LINGO2: variants seen among roughly 807,000 people sequenced by gnomAD.
The protein encoded by LINGO2 is leucine rich repeat and Ig domain containing 2.
LINGO2 carries 14 observed loss-of-function variants against 30.6 expected under a neutral mutation model. The observed-to-expected ratio is 0.46, with a 90% confidence interval of 0.30 to 0.72. The LOEUF (loss-of-function observed/expected upper bound fraction) is 0.72. Among genes scored for constraint, LINGO2 ranks in the 30% least tolerant of loss-of-function variants. The pLI, the probability that LINGO2 is intolerant of heterozygous loss-of-function variation, is 0.07. For synonymous variants in LINGO2, 317 were observed against 288.5 expected, an observed-to-expected ratio of 1.10 and a Z score of -1.00; for missense variants, 729 against 751.7, an observed-to-expected ratio of 0.97 and a Z score of 0.35.
chr9:29,197,034 C>T, the LINGO2 span, among the ~76,000 whole-genome samples: 1 of 152,012 alleles, frequency 6.6e-6, no homozygotes, highest in Admixed American at 6.6e-5. Context: ...TTTAAGTTCA[C>T]TTAAGCTGTT....
the LINGO2 span, among the ~76,000 whole-genome samples, chr9:28,849,628 A>G: frequency 2.0e-5 from 3 of 152,020 alleles, no homozygotes; most frequent in South Asian, 6.2e-4. Context: ...AATAGCATAC[A>G]CTTGTGGCCC....
exon 6 of LINGO2, chr9:27,949,375 T>C (rs774449926): frequency 1.1e-5 from 18 of 1,614,028 alleles, no homozygotes; most frequent in Non-Finnish European, 1.5e-5. Context: ...CCATCTGCAC[T>C]GCATTCTAGC....
At chr9:28,362,481 T>C (rs1308508524) in intron 3 of LINGO2, among the ~76,000 whole-genome samples, 6 of 151,928 alleles carry the variant, frequency 3.9e-5, no homozygotes, top group Non-Finnish European at 8.8e-5. Context: ...TTTTTTTTTC[T>C]TTTTTTGAGA....
At chr9:28,067,153 A>G (rs1343342270) in intron 4 of LINGO2, among the ~76,000 whole-genome samples, 1 of 152,170 alleles carries the variant, frequency 6.6e-6, no homozygotes, top group East Asian at 1.9e-4. Context: ...TACAAGCACA[A>G]AATATTTTCA....
intron 1 of LINGO2, among the ~76,000 whole-genome samples, chr9:28,570,482 T>A (rs528303980): frequency 4.6e-5 from 7 of 151,838 alleles, no homozygotes; most frequent in Non-Finnish European, 1.0e-4. Context: ...GATAAAAAAA[T>A]TTTACTTGGG....
At position 28,626,513 on chromosome 9, in the gene LINGO2, A is replaced by G. The variant is rs74607768; in HGVS notation, c.-365+43687T>C. Among the ~76,000 whole-genome samples the G allele has an allele frequency of 8.2e-3, 1,255 of 152,124 alleles. 28 individuals are homozygous for G. Among genetic ancestry groups the G allele is most frequent in the East Asian group, 0.036 (186 of 5,168 alleles). On this transcript the variant is annotated intron_variant, in intron 1 of 5. Coordinates refer to ENST00000379992, the Ensembl canonical transcript of LINGO2. ...AAGATTTTTCTCTTATATCCACTTT[A>G]ATTTTTGTTAGTAGTACAAATTAAA... is the stretch of plus-strand genomic sequence containing the variant.
chr9:28,196,691 A>G (rs1820025396), intron 4 of LINGO2, among the ~76,000 whole-genome samples: 1 of 151,988 alleles, frequency 6.6e-6, no homozygotes, highest in Non-Finnish European at 1.5e-5. Context: ...TAGAAAACTT[A>G]TGGTATCATA....
At chr9:28,451,367 C>A (rs879935970) in intron 2 of LINGO2, among the ~76,000 whole-genome samples, 2 of 151,666 alleles carry the variant, frequency 1.3e-5, no homozygotes, top group Admixed American at 1.3e-4. Flanking sequence ...TAGTCTAACA[C>A]CAGGAAAATA....
At chr9:28,661,698 C>A (rs1404127002) in intron 1 of LINGO2, among the ~76,000 whole-genome samples, 1 of 151,988 alleles carries the variant, frequency 6.6e-6, no homozygotes, top group Non-Finnish European at 1.5e-5. Flanking sequence ...ACATGGAAAT[C>A]TTCAAAAATG....
the LINGO2 span, among the ~76,000 whole-genome samples, chr9:29,084,591 A>G: frequency 6.6e-6 from 1 of 152,024 alleles, no homozygotes; most frequent in African/African-American, 2.4e-5. Context: ...CCTATGACAT[A>G]TTCCAATGAA....
At chr9:28,453,107 C>T (rs56177560) in intron 2 of LINGO2, among the ~76,000 whole-genome samples, 2,785 of 151,928 alleles carry the variant, frequency 0.018, 90 homozygotes, top group African/African-American at 0.061. Context: ...ATATAATGTA[C>T]CATAAAATTT....
chr9:28,962,867 C>T, the LINGO2 span, among the ~76,000 whole-genome samples: 1 of 151,900 alleles, frequency 6.6e-6, no homozygotes, highest in Admixed American at 6.6e-5. Flanking sequence ...CCCACACATT[C>T]ATTAGGCCAT....
At chr9:28,813,216 A>G in the LINGO2 span, among the ~76,000 whole-genome samples, 69 of 152,210 alleles carry the variant, frequency 4.5e-4, no homozygotes, top group African/African-American at 1.4e-3. Context: ...GCCCCCCCCA[A>G]TTAGCTGCAA....
chr9:28,731,363 A>C, the LINGO2 span, among the ~76,000 whole-genome samples: 1 of 152,144 alleles, frequency 6.6e-6, no homozygotes. Context: ...ACTACTCAGC[A>C]ATAAAATGGA....
At chr9:27,960,572 T>C (rs1295435076) in intron 5 of LINGO2, among the ~76,000 whole-genome samples, 1 of 151,974 alleles carries the variant, frequency 6.6e-6, no homozygotes, top group East Asian at 1.9e-4. Context: ...TTTAAATGAT[T>C]AAAACAGCCA....
chr9:28,017,010 T>A (rs957399129), intron 4 of LINGO2, among the ~76,000 whole-genome samples: 6 of 152,260 alleles, frequency 3.9e-5, no homozygotes, highest in African/African-American at 1.4e-4. Context: ...GTAGGCTTCA[T>A]CCCTAGGATG....
At chr9:28,464,888 CT>C (rs1284398020) in intron 2 of LINGO2, among the ~76,000 whole-genome samples, 24 of 152,182 alleles carry the variant, frequency 1.6e-4, no homozygotes, top group Non-Finnish European at 3.2e-4. Flanking sequence ...GATAGTTCCC[CT>C]GACCAGTTTG....
At chr9:28,768,712 T>G in the LINGO2 span, among the ~76,000 whole-genome samples, 2 of 152,022 alleles carry the variant, frequency 1.3e-5, no homozygotes, top group African/African-American at 4.8e-5. Context: ...TGTTTAATTT[T>G]TAAACATGTC....
chr9:27,984,849 G>C (rs1048741865), intron 5 of LINGO2, among the ~76,000 whole-genome samples: 1 of 151,788 alleles, frequency 6.6e-6, no homozygotes, highest in Non-Finnish European at 1.5e-5. Context: ...TTTTATAAAT[G>C]AGGAAAATTT....
Sources: allele counts gnomAD v4.1 joint callset (sites outside exome capture counted in the v4.1 genomes callset), GRCh38; gene constraint gnomAD v4.1.1; transcripts MANE v1.5; gene names NCBI Gene and HGNC (gene_info 2026-07-23, HGNC 2026-07-21).